Variants in KCNJ3 observed in about 807,000 individuals in gnomAD.
KCNJ3 encodes potassium inwardly rectifying channel subfamily J member 3.
In KCNJ3, 4 loss-of-function variants were observed where a neutral mutation model predicts 39.2. The observed-to-expected ratio is 0.10, with a 90% CI of 0.05 to 0.23. KCNJ3 has a LOEUF of 0.23. Among genes scored for constraint, KCNJ3 ranks in the 10% least tolerant of loss-of-function variants. The probability of loss-of-function intolerance (pLI) is 1.00; values close to 1 mark genes in which losing one functional copy is unlikely to be tolerated. For synonymous variants in KCNJ3, 230 were observed against 237.4 expected (o/e 0.97, Z 0.29); for missense variants, 276 against 634.9 (o/e 0.43, Z 6.08).
chr2:154,743,411 G>C (rs923013646), intron 2 of KCNJ3, among the ~76,000 whole-genome samples: 2 of 151,684 alleles, frequency 1.3e-5, no homozygotes, highest in Non-Finnish European at 3.0e-5. Flanking sequence ...GATAGGGATT[G>C]GATAGAATCT....
intron 2 of KCNJ3, among the ~76,000 whole-genome samples, chr2:154,733,518 C>G (rs898126086): frequency 3.3e-5 from 5 of 152,116 alleles, no homozygotes; most frequent in Non-Finnish European, 7.4e-5. Context: ...AAGGAGGAAG[C>G]CTGAGTCAGT....
At chr2:154,740,675 C>T (rs529915459) in intron 2 of KCNJ3, among the ~76,000 whole-genome samples, 1 of 152,058 alleles carries the variant, frequency 6.6e-6, no homozygotes, top group South Asian at 2.1e-4. Flanking sequence ...TTAGCACTGA[C>T]TCTCTTTTTA....
At chr2:154,825,516 G>T (rs1210967156) in intron 2 of KCNJ3, among the ~76,000 whole-genome samples, 4 of 151,330 alleles carry the variant, frequency 2.6e-5, no homozygotes, top group Admixed American at 1.3e-4. Context: ...AGTAATGAAG[G>T]TTCAGGACCC....
At chr2:154,826,370 A>G (rs1409557203) in intron 2 of KCNJ3, among the ~76,000 whole-genome samples, 1 of 152,198 alleles carries the variant, frequency 6.6e-6, no homozygotes. Context: ...GAAATTTTCA[A>G]ATACTTATAA....
chr2:154,836,707 A>G (rs1687471454), intron 2 of KCNJ3, among the ~76,000 whole-genome samples: 1 of 152,200 alleles, frequency 6.6e-6, no homozygotes, highest in Non-Finnish European at 1.5e-5. Flanking sequence ...TAGGGAATTT[A>G]TTTTTCACTT....
intron 2 of KCNJ3, among the ~76,000 whole-genome samples, chr2:154,850,160 A>G (rs1440668102): frequency 6.6e-6 from 1 of 151,552 alleles, no homozygotes; most frequent in Admixed American, 6.6e-5. Flanking sequence ...ACATTTGTTC[A>G]AGTCTGGAAT....
intron 2 of KCNJ3, among the ~76,000 whole-genome samples, chr2:154,737,902 T>C (rs971691306): frequency 6.6e-6 from 1 of 152,142 alleles, no homozygotes; most frequent in African/African-American, 2.4e-5. Flanking sequence ...CATGTACATA[T>C]GTATTCAAGA....
intron 2 of KCNJ3, among the ~76,000 whole-genome samples, chr2:154,822,288 A>G (rs1465530663): frequency 6.6e-6 from 1 of 152,214 alleles, no homozygotes; most frequent in African/African-American, 2.4e-5. Flanking sequence ...TACAGTACTA[A>G]ATCTACAGTA....
At chr2:154,709,319 T>G (rs1395372446) in intron 1 of KCNJ3, 3 of 442,990 alleles carry the variant, frequency 6.8e-6, no homozygotes, top group Non-Finnish European at 1.2e-5. Context: ...TTCCACAGTT[T>G]GTGCTAACAA....
intron 2 of KCNJ3, among the ~76,000 whole-genome samples, chr2:154,837,308 T>C (rs1687486317): frequency 6.6e-6 from 1 of 152,226 alleles, no homozygotes; most frequent in South Asian, 2.1e-4. Context: ...ATAATTTATG[T>C]TGACATTCTT....
chr2:154,704,771 GT>G (rs1684972471), intron 1 of KCNJ3, among the ~76,000 whole-genome samples: 1 of 152,074 alleles, frequency 6.6e-6, no homozygotes, highest in Non-Finnish European at 1.5e-5. Context: ...CCTGATTCTG[GT>G]ACCTGCGTTT....
At chr2:154,804,214 G>A (rs752504168) in intron 2 of KCNJ3, among the ~76,000 whole-genome samples, 7 of 152,062 alleles carry the variant, frequency 4.6e-5, no homozygotes, top group Non-Finnish European at 1.0e-4. Context: ...CACAACCTGC[G>A]ATACATAGGA....
intron 2 of KCNJ3, among the ~76,000 whole-genome samples, chr2:154,756,851 A>G (rs1039802534): frequency 1.1e-4 from 16 of 152,100 alleles, no homozygotes; most frequent in African/African-American, 3.6e-4. Flanking sequence ...GAAAAAAAGC[A>G]AATTTACAAA....
At position 154,699,342 on chromosome 2, in the gene KCNJ3, G is replaced by A. The variant is rs1338909837; in HGVS notation, c.567G>A (p.Lys189=). ...CMFIKMSQPK[K]RAETLMFSEH... ...TCATCAAGATGTCCCAGCCCAAGAA[G>A]CGCGCCGAGACCCTCATGTTCAGCG... Residue 189 remains lysine (K), a synonymous_variant, in exon 1 of 3, where the codon AAG becomes AAA. Coordinates refer to ENST00000295101, the MANE Select transcript of KCNJ3 (RefSeq NM_002239.4). This position sits in a 1 kb window ranked among gnomAD's most constrained non-coding sequence, Gnocchi z 6.4. 3 of 1,613,422 alleles carry A rather than the reference G, an allele frequency of 1.9e-6. No homozygotes were observed. The highest frequency in any genetic ancestry group is 2.5e-6 in the Non-Finnish European group (3 of 1,180,036).
intron 2 of KCNJ3, among the ~76,000 whole-genome samples, chr2:154,719,649 T>A (rs73019276): frequency 0.054 from 8,288 of 152,196 alleles, 750 homozygotes; most frequent in African/African-American, 0.19. Flanking sequence ...TTATTTACTG[T>A]TTCATGGGAG....
At chr2:154,730,701 T>C (rs960061404) in intron 2 of KCNJ3, among the ~76,000 whole-genome samples, 3 of 152,068 alleles carry the variant, frequency 2.0e-5, no homozygotes, top group African/African-American at 4.8e-5. Context: ...TAAGGTATTA[T>C]AGAAACATCA....
At chr2:154,745,112 A>G (rs893732367) in intron 2 of KCNJ3, among the ~76,000 whole-genome samples, 1 of 151,842 alleles carries the variant, frequency 6.6e-6, no homozygotes, top group African/African-American at 2.4e-5. Context: ...AAAACCTCTT[A>G]CATTTGCTGA....
intron 2 of KCNJ3, among the ~76,000 whole-genome samples, chr2:154,825,256 T>A (rs1304282386): frequency 6.6e-6 from 1 of 152,154 alleles, no homozygotes; most frequent in Non-Finnish European, 1.5e-5. Flanking sequence ...TCAGGGTGAA[T>A]GCCCAGCTTT....
At chr2:154,774,075 T>G (rs1381377865) in intron 2 of KCNJ3, among the ~76,000 whole-genome samples, 3 of 152,182 alleles carry the variant, frequency 2.0e-5, no homozygotes, top group Non-Finnish European at 4.4e-5. Context: ...TGCTCTCCTA[T>G]TTTATTATGT....
Sources: gnomAD v4.1 joint callset for allele counts (sites outside exome capture counted in the v4.1 genomes callset) on GRCh38, gnomAD v4.1.1 for gene constraint, Gnocchi (gnomAD v3.1) non-coding constraint, MANE v1.5 for transcripts, NCBI Gene and HGNC (gene_info 2026-07-23, HGNC 2026-07-21) for gene names.